Variants in RAB35 observed in about 807,000 individuals in gnomAD.
RAB35 encodes the protein RAB35, member RAS oncogene family, also known as ras-related protein Rab-35.
Under a neutral mutation model 28.9 loss-of-function variants are expected in RAB35, and 4 were observed. That is an observed-to-expected ratio of 0.14 (90% CI 0.07 to 0.32). The LOEUF is 0.32. RAB35 is among the 10% of genes least tolerant of loss of function. The pLI, the probability that RAB35 is intolerant of heterozygous loss-of-function variation, is 1.00. For synonymous variants in RAB35, 99 were observed against 105.1 expected (o/e 0.94, Z 0.35); for missense variants, 128 against 274.0 (o/e 0.47, Z 3.76).
chr12:120,098,347 G>A (rs1304584146), intron 5 of RAB35, among the ~76,000 whole-genome samples: 7 of 152,256 alleles, frequency 4.6e-5, no homozygotes, highest in African/African-American at 1.7e-4. Flanking sequence ...CCAGGTGGAT[G>A]GGCCAGCATC....
At chr12:120,097,781 C>T (rs972798854) in intron 5 of RAB35, among the ~76,000 whole-genome samples, 5 of 152,028 alleles carry the variant, frequency 3.3e-5, no homozygotes, top group African/African-American at 1.2e-4. Context: ...GGAACACCAT[C>T]AGAGGCCCAT....
At chr12:120,112,225 G>A (rs1876148650) in intron 1 of RAB35, among the ~76,000 whole-genome samples, 1 of 151,966 alleles carries the variant, frequency 6.6e-6, no homozygotes, top group Non-Finnish European at 1.5e-5. Flanking sequence ...TGATCCGCCT[G>A]CCTCGGCCTC....
Position 120,097,303 on chromosome 12 carries a change from T to A in RAB35, c.548A>T (p.Gln183Leu). ...KDNLAKQQQQ[Q>L]QNDVVKLTKN... ...CGTGAGCTTCACCACATCGTTCTGTTGTTGCTGCTGCTGTTTTGCCAGGTT... is the reference window on the plus strand; with the variant it reads ...CGTGAGCTTCACCACATCGTTCTGTAGTTGCTGCTGCTGTTTTGCCAGGTT... The change falls in exon 6 of 6, where the codon CAA becomes CTA. Residue 183 changes from glutamine to leucine, a missense_variant. Coordinates refer to ENST00000229340, the MANE Select transcript of RAB35 (RefSeq NM_006861.7). The A allele has an allele frequency of 6.2e-7, 1 of 1,613,914 alleles. No homozygotes were observed. The highest frequency in any genetic ancestry group is 8.5e-7 in the Non-Finnish European group (1 of 1,180,048).
At chr12:120,110,304 T>TTTTTTTTTTTTTTTTTG in intron 1 of RAB35, among the ~76,000 whole-genome samples, 1 of 148,792 alleles carries the variant, frequency 6.7e-6, no homozygotes, top group African/African-American at 2.5e-5. Context: ...TTTTTTTTTT[T>TTTTTTTTTTTTTTTTTG]GGAGAGATAG....
chr12:120,107,048 G>A (rs1056058000), intron 2 of RAB35, among the ~76,000 whole-genome samples: 2 of 151,910 alleles, frequency 1.3e-5, no homozygotes, highest in African/African-American at 4.8e-5. Flanking sequence ...GAGTGCAGTG[G>A]TGCCATCTCA....
chr12:120,109,656 GCTTT>G (rs1876033400), intron 1 of RAB35, among the ~76,000 whole-genome samples: 2 of 138,234 alleles, frequency 1.4e-5, no homozygotes, highest in Admixed American at 7.1e-5. Flanking sequence ...CGTTGCCCAG[GCTTT>G]TTTTTTTTTT....
At chr12:120,109,692 C>T (rs771475663) in intron 1 of RAB35, among the ~76,000 whole-genome samples, 28 of 141,758 alleles carry the variant, frequency 2.0e-4, no homozygotes, top group Non-Finnish European at 3.6e-4. Flanking sequence ...TTTGTAGAGA[C>T]GAGGTCTTGC....
intron 1 of RAB35, among the ~76,000 whole-genome samples, chr12:120,114,263 T>C (rs1876240829): frequency 6.6e-6 from 1 of 152,190 alleles, no homozygotes; most frequent in Non-Finnish European, 1.5e-5. Flanking sequence ...CCGGCTACTT[T>C]TGTATTTTTA....
Position 120,116,599 on chromosome 12 carries a change from C to A in RAB35, c.52G>T (p.Gly18Cys). ...CGCCTCCGGCCGCTGCGGCCCTCAC[C>A]GCTGTCGCCGATGATGAGCAGCTTG... The part of the protein sequence containing the change: ...LFKLLIIGDS[G>C]VGKSSLLLRF... Residue 18 changes from glycine to cysteine, a missense_variant and splice_region_variant, in exon 1 of 6, where the codon GGT becomes TGT. Coordinates refer to ENST00000229340, the MANE Select transcript of RAB35 (RefSeq NM_006861.7). 1 of 1,204,770 alleles carries A rather than the reference C, an allele frequency of 8.3e-7. No homozygotes were observed. Among genetic ancestry groups the A allele is most frequent in the South Asian group, 4.2e-5 (1 of 24,064 alleles). 74.6% of individuals were successfully genotyped at this position (1,204,770 alleles called of 1,614,324 possible).
chr12:120,095,902 CTT>C lies in RAB35; in HGVS notation c.*1341_*1342del. The C allele has an allele frequency of 6.5e-6, 1 of 153,402 alleles. No homozygotes were observed. Among genetic ancestry groups the C allele is most frequent in the Non-Finnish European group, 1.4e-5 (1 of 69,206 alleles). 9.5% of individuals were successfully genotyped at this position (153,402 alleles called of 1,614,324 possible). A position where few individuals can be genotyped will look rare whatever the true frequency, so the allele number is the denominator to read the frequency against. On this transcript the variant is annotated 3_prime_UTR_variant, in exon 6 of 6. Coordinates refer to ENST00000229340, the MANE Select transcript of RAB35 (RefSeq NM_006861.7). Reference sequence around the variant, plus strand: ...ACACATCCTGGTGTTAAACTCGGTTCTTCCCAGGTCACTTGATCCCTGTAGTG... The same window carrying C: ...ACACATCCTGGTGTTAAACTCGGTTCCCCAGGTCACTTGATCCCTGTAGTG...
In RAB35 at chr12:120,106,078, A is replaced by G. The variant is rs576753666; in HGVS notation, c.104-2129T>C. On this transcript the variant is annotated intron_variant, in intron 2 of 5. Coordinates refer to ENST00000229340, the MANE Select transcript of RAB35 (RefSeq NM_006861.7). ...CACACATGAGCGGTTCAGGGTGGGTAGGGGTTGCCGTAATGCTTCCAGGTA... is the reference window on the plus strand; with the variant it reads ...CACACATGAGCGGTTCAGGGTGGGTGGGGGTTGCCGTAATGCTTCCAGGTA... 2.9e-3 allele frequency among the ~76,000 whole-genome samples: 440 copies of G among 152,282 alleles called. 8 individuals carry two copies. The highest frequency in any genetic ancestry group is 5.4e-3 in the South Asian group (26 of 4,828).
At position 120,104,893 on chromosome 12, in the gene RAB35, C is replaced by A. The variant is rs539569968; in HGVS notation, c.104-944G>T. 3.0e-4 allele frequency among the ~76,000 whole-genome samples: 46 copies of A among 152,282 alleles called. No individual in the cohort carries two copies. The South Asian group carries it at 9.1e-3, about 30-fold the overall frequency. On this transcript the variant is annotated intron_variant, in intron 2 of 5. Coordinates refer to ENST00000229340, the MANE Select transcript of RAB35 (RefSeq NM_006861.7). ...AAGTGATCCGCCTGCCTCAGCCTCC[C>A]AAAGTGCTGGGATTACAGGCACAAG...
At chr12:120,116,544 C>T (rs1412276911) in intron 1 of RAB35, 55 bp downstream of exon 1, 2 of 1,009,876 alleles carry the variant, frequency 2.0e-6, no homozygotes, top group African/African-American at 1.7e-5. Flanking sequence ...CCCCGAGGCC[C>T]CCGCGGGCCG....
At position 120,095,246 on chromosome 12, in the gene RAB35, CCT is replaced by C. The variant is rs1430357232; in HGVS notation, c.*1997_*1998del. 2 of 152,638 alleles carry C rather than the reference CCT, an allele frequency of 1.3e-5. No homozygotes were observed. Among genetic ancestry groups the C allele is most frequent in the South Asian group, 4.1e-4 (2 of 4,820 alleles). 9.5% of individuals were successfully genotyped at this position (152,638 alleles called of 1,614,324 possible). A position where few individuals can be genotyped will look rare whatever the true frequency, so the allele number is the denominator to read the frequency against. Reference sequence around the variant, plus strand: ...AGGTCCACTAGGACGTCGGTCCAGCCCTGAGTCCCCACCCCCACCCCATAACC... The same window carrying C: ...AGGTCCACTAGGACGTCGGTCCAGCCGAGTCCCCACCCCCACCCCATAACC... On this transcript the variant is annotated 3_prime_UTR_variant, in exon 6 of 6. Coordinates refer to ENST00000229340, the MANE Select transcript of RAB35 (RefSeq NM_006861.7).
intron 5 of RAB35, 64 bp from the exon 6 acceptor site, chr12:120,097,437 C>T (rs942519413): frequency 6.4e-6 from 9 of 1,397,824 alleles, no homozygotes; most frequent in Middle Eastern, 2.6e-4. Flanking sequence ...CTGGCCTGCA[C>T]GGCTGCCTCC....
chr12:120,110,679 A>G (rs1212963491), intron 1 of RAB35, among the ~76,000 whole-genome samples: 2 of 152,160 alleles, frequency 1.3e-5, no homozygotes, highest in Non-Finnish European at 2.9e-5. Flanking sequence ...CTCTCTGGGC[A>G]ATCCTCTAAA....
chr12:120,104,215 G>A (rs964867180), intron 2 of RAB35, among the ~76,000 whole-genome samples: 3 of 152,146 alleles, frequency 2.0e-5, no homozygotes, highest in African/African-American at 4.8e-5. Flanking sequence ...GAAATAACAC[G>A]GGATGGGACT....
Position 120,099,130 on chromosome 12 carries a change from G to A in RAB35, c.252C>T (p.Val84=), listed in dbSNP as rs2139048766. Residue 84 remains valine (V), a synonymous_variant, in exon 4 of 6, where the codon GTC becomes GTT. Transcript: ENST00000229340. ...CACTGGTGACGTCGTAAACCACAAT[G>A]ACCCCGTGGGTCCCCCGATAATACC... ...TSTYYRGTHG[V]IVVYDVTSAE... 6.2e-7 allele frequency: 1 copy of A among 1,614,254 alleles called. No individual in the cohort carries two copies. The highest frequency in any genetic ancestry group is 1.7e-5 in the Admixed American group (1 of 60,030).
chr12:120,111,101 C>G (rs555262310), intron 1 of RAB35, among the ~76,000 whole-genome samples: 1 of 152,324 alleles, frequency 6.6e-6, no homozygotes, highest in South Asian at 2.1e-4. Context: ...TAAGCCAGGC[C>G]CAGCACTTAG....
Sources: gnomAD v4.1 joint callset for allele counts (sites outside exome capture counted in the v4.1 genomes callset) on GRCh38, gnomAD v4.1.1 for gene constraint, MANE v1.5 for transcripts, NCBI Gene and HGNC (gene_info 2026-07-23, HGNC 2026-07-21) for gene names.